The following SGCZ variants were observed in gnomAD, a reference collection of about 807,000 sequenced individuals.
The protein encoded by SGCZ is zeta-sarcoglycan.
Under a neutral mutation model 41.3 loss-of-function variants are expected in SGCZ, and 40 were observed. That is an observed-to-expected ratio of 0.97 (90% CI 0.75 to 1.26). The LOEUF (loss-of-function observed/expected upper bound fraction) is 1.26. Among genes scored for constraint, SGCZ ranks in the 50% most tolerant of loss-of-function variants. The probability of loss-of-function intolerance (pLI) is 0.00; values close to 1 mark genes in which losing one functional copy is unlikely to be tolerated. For missense variants in SGCZ, 552 were observed against 369.8 expected, an observed-to-expected ratio of 1.49 and a Z score of -4.04; for synonymous variants, 206 against 137.5, an observed-to-expected ratio of 1.50 and a Z score of -3.49.
rs1435642651 is a variant in SGCZ, at chr8:14,382,260, A to G, written c.235-58056T>C. Among the ~76,000 whole-genome samples, 5 of 152,242 alleles carry G rather than the reference A, an allele frequency of 3.3e-5. No homozygotes were observed. The East Asian group carries it at 9.7e-4, about 29-fold the overall frequency. The stretch of plus-strand genomic sequence containing the variant: ...GCTGGAGCAGAAGAGGATTCTAACT[A>G]AAGAATATTTACAAAACTTCTTTAC... On this transcript the variant is annotated intron_variant, in intron 2 of 7. Transcript: ENST00000382080.
chr8:14,977,784 A>G (rs928190686), intron 1 of SGCZ, among the ~76,000 whole-genome samples: 6 of 152,100 alleles, frequency 3.9e-5, no homozygotes, highest in Non-Finnish European at 8.8e-5. Context: ...ATATTTTTAA[A>G]CCAAAAAGCT....
At chr8:14,787,617 T>C (rs1459907264) in intron 1 of SGCZ, among the ~76,000 whole-genome samples, 1 of 151,954 alleles carries the variant, frequency 6.6e-6, no homozygotes, top group Non-Finnish European at 1.5e-5. Context: ...GGGACCAAAG[T>C]GGGCGGATCA....
chr8:14,116,200 G>A (rs1563135776), intron 5 of SGCZ, among the ~76,000 whole-genome samples: 4 of 151,958 alleles, frequency 2.6e-5, no homozygotes, highest in African/African-American at 9.7e-5. Flanking sequence ...TTTTTACTCT[G>A]AAAAACAAAA....
In SGCZ at chr8:14,084,961, G is replaced by A. The variant is rs1801483602; in HGVS notation, c.*5482C>T. Reference sequence around the variant, plus strand: ...AGATCTTAAATTATATGAGCTCATTGCATGCTTCAAAAGGTCTCATTTCAG... The same window carrying A: ...AGATCTTAAATTATATGAGCTCATTACATGCTTCAAAAGGTCTCATTTCAG... On this transcript the variant is annotated 3_prime_UTR_variant, in exon 8 of 8. Coordinates refer to ENST00000382080, the MANE Select transcript of SGCZ (RefSeq NM_139167.4). Among the ~76,000 whole-genome samples, 1 of 151,686 alleles carries A rather than the reference G, an allele frequency of 6.6e-6. No homozygotes were observed. The highest frequency in any genetic ancestry group is 1.5e-5 in the Non-Finnish European group (1 of 67,818).
intron 1 of SGCZ, among the ~76,000 whole-genome samples, chr8:14,780,337 T>C (rs1180752002): frequency 6.9e-6 from 1 of 145,490 alleles, no homozygotes; most frequent in African/African-American, 2.6e-5. Flanking sequence ...ATTGCGCCAT[T>C]GCACTCCAGC....
intron 1 of SGCZ, among the ~76,000 whole-genome samples, chr8:14,995,060 C>A (rs535162971): frequency 6.6e-6 from 1 of 152,350 alleles, no homozygotes; most frequent in Non-Finnish European, 1.5e-5. Flanking sequence ...ATCACTAGGA[C>A]ATACTGTTTG....
chr8:15,162,015 C>A (rs73529363), intron 1 of SGCZ, among the ~76,000 whole-genome samples: 6,633 of 152,156 alleles, frequency 0.044, 358 homozygotes, highest in African/African-American at 0.13. Flanking sequence ...TGGGTAACAG[C>A]GTGAAAAGAG....
intron 2 of SGCZ, among the ~76,000 whole-genome samples, chr8:14,518,483 A>T (rs574831680): frequency 1.3e-5 from 2 of 152,134 alleles, no homozygotes; most frequent in African/African-American, 4.8e-5. Context: ...GCCACTTATT[A>T]TAATGTGATA....
At chr8:15,034,138 A>G (rs1044848668) in intron 1 of SGCZ, among the ~76,000 whole-genome samples, 10 of 152,244 alleles carry the variant, frequency 6.6e-5, no homozygotes, top group African/African-American at 2.4e-4. Context: ...TCTACCCCAA[A>G]CAGTCTGACA....
intron 3 of SGCZ, among the ~76,000 whole-genome samples, chr8:14,300,865 G>T (rs969446643): frequency 6.6e-6 from 1 of 151,812 alleles, no homozygotes; most frequent in Non-Finnish European, 1.5e-5. Flanking sequence ...ATATATTCTG[G>T]ATATTAACCC....
intron 1 of SGCZ, among the ~76,000 whole-genome samples, chr8:14,875,398 T>G (rs1445182781): frequency 6.6e-6 from 1 of 152,154 alleles, no homozygotes; most frequent in Non-Finnish European, 1.5e-5. Flanking sequence ...ACATGAATTT[T>G]GGAGGGGACA....
chr8:14,694,919 C>A (rs1808908108), intron 1 of SGCZ, among the ~76,000 whole-genome samples: 1 of 151,922 alleles, frequency 6.6e-6, no homozygotes, highest in South Asian at 2.1e-4. Context: ...ATTCAAAATG[C>A]AATGTTTAAT....
At chr8:14,575,693 G>C (rs1414140870) in intron 1 of SGCZ, among the ~76,000 whole-genome samples, 1 of 152,008 alleles carries the variant, frequency 6.6e-6, no homozygotes, top group Non-Finnish European at 1.5e-5. Flanking sequence ...GACCACCTGA[G>C]GTCAGGAGTT....
chr8:14,265,649 G>T lies in SGCZ; in HGVS notation c.337-27970C>A, dbSNP rs181036078. Among the ~76,000 whole-genome samples the T allele has an allele frequency of 7.9e-5, 12 of 151,568 alleles. No individual in the cohort carries two copies. In the East Asian group the frequency reaches 2.3e-3, roughly 29 times the overall value. The stretch of plus-strand genomic sequence containing the variant: ...TAAAATTAAATACTCATTTAATAAG[G>T]ATGCAAACTGCACCCTTTGTTTCCC... On this transcript the variant is annotated intron_variant, in intron 3 of 7. Coordinates refer to ENST00000382080, the MANE Select transcript of SGCZ (RefSeq NM_139167.4).
At chr8:14,296,635 C>A (rs1016949574) in intron 3 of SGCZ, among the ~76,000 whole-genome samples, 4 of 151,976 alleles carry the variant, frequency 2.6e-5, no homozygotes, top group African/African-American at 9.7e-5. Flanking sequence ...CAGACCCATA[C>A]AATGTTAATT....
chr8:14,353,238 A>G (rs1206434194), intron 2 of SGCZ, among the ~76,000 whole-genome samples: 1 of 152,046 alleles, frequency 6.6e-6, no homozygotes, highest in Non-Finnish European at 1.5e-5. Flanking sequence ...CACTTGAGAC[A>G]TTTACTAGTA....
chr8:14,269,921 C>G (rs1415951954), intron 3 of SGCZ, among the ~76,000 whole-genome samples: 2 of 151,996 alleles, frequency 1.3e-5, no homozygotes. Context: ...TTTAACAAGT[C>G]TTTGTTAACA....
intron 1 of SGCZ, among the ~76,000 whole-genome samples, chr8:14,807,384 T>G (rs1245400472): frequency 6.6e-6 from 1 of 152,026 alleles, no homozygotes; most frequent in African/African-American, 2.4e-5. Flanking sequence ...CAGCAAAGTC[T>G]CAGGACACAA....
chr8:14,702,919 A>G (rs564209407), intron 1 of SGCZ, among the ~76,000 whole-genome samples: 1 of 131,878 alleles, frequency 7.6e-6, no homozygotes, highest in African/African-American at 2.8e-5. Flanking sequence ...GTAGGTAGTT[A>G]GGTAGGTAGA....
Sources: allele counts gnomAD v4.1 joint callset (sites outside exome capture counted in the v4.1 genomes callset), GRCh38; gene constraint gnomAD v4.1.1; transcripts MANE v1.5; gene names NCBI Gene and HGNC (gene_info 2026-07-23, HGNC 2026-07-21).